GIT2: variants seen among roughly 807,000 people sequenced by gnomAD.
GIT2 encodes GIT ArfGAP 2, also known as ARF GTPase-activating protein GIT2.
GIT2 carries 32 observed loss-of-function variants against 100.3 expected under a neutral mutation model. The observed-to-expected ratio is 0.32, with a 90% confidence interval of 0.24 to 0.43. GIT2 has a LOEUF of 0.43. GIT2 is among the 20% of genes least tolerant of loss of function. The pLI is 1.00. For missense variants in GIT2, 737 were observed against 975.1 expected, an observed-to-expected ratio of 0.76 and a Z score of 3.25; for synonymous variants, 353 against 364.1, an observed-to-expected ratio of 0.97 and a Z score of 0.35.
chr12:109,943,588 C>A (rs1002709674), intron 16 of GIT2, among the ~76,000 whole-genome samples: 3 of 152,206 alleles, frequency 2.0e-5, no homozygotes, highest in Non-Finnish European at 2.9e-5. Flanking sequence ...CCCACCTTGG[C>A]CTTCCAAAGT....
At chr12:109,952,759 C>A in intron 13 of GIT2, 1 of 455,950 alleles carries the variant, frequency 2.2e-6, no homozygotes, top group South Asian at 1.8e-5. Context: ...CACTTTGTGC[C>A]TTCTCCGCAG....
intron 13 of GIT2, chr12:109,952,709 C>G (rs544647148): frequency 4.7e-4 from 230 of 490,596 alleles, no homozygotes; most frequent in African/African-American, 4.3e-3. Context: ...TCTCTCTCTG[C>G]TCACTCCCTC....
rs758253720 is a variant in GIT2, at chr12:109,989,058, C to T, written c.310G>A (p.Ala104Thr). The T allele has an allele frequency of 2.5e-6, 4 of 1,605,620 alleles. No homozygotes were observed. In the African/African-American group the frequency reaches 4.0e-5, roughly 16 times the overall value. ...TGATACTTGGCTCTGATGAATTCCGCTTTATTGGGACTGGTTCAAAAACAA... is the reference window on the plus strand; with the variant it reads ...TGATACTTGGCTCTGATGAATTCCGTTTTATTGGGACTGGTTCAAAAACAA... The part of the protein sequence containing the change: ...NPQDKVHPNK[A>T]EFIRAKYQML... The change falls in exon 4 of 20, where the codon GCG becomes ACG. Residue 104 changes from alanine to threonine, a missense_variant. This residue lies in a region of GIT2 where 266 missense variants were observed against 376.2 expected (regional missense o/e 0.71). Transcript: ENST00000355312.
intron 16 of GIT2, among the ~76,000 whole-genome samples, chr12:109,944,787 TCAGCACTTGTGGTGCTGACATAAA>T (rs1875813342): frequency 6.6e-6 from 1 of 151,398 alleles, no homozygotes; most frequent in East Asian, 1.9e-4. Flanking sequence ...CCTTGGTTTG[TCAGCACTTGTGGTGCTGACATAAA>T]ATGTGTCACA....
At chr12:109,958,156 A>C (rs1880043796) in intron 12 of GIT2, among the ~76,000 whole-genome samples, 1 of 151,358 alleles carries the variant, frequency 6.6e-6, no homozygotes, top group African/African-American at 2.4e-5. Flanking sequence ...ATGTTAGCCA[A>C]GATGGTCTCA....
Position 109,948,716 on chromosome 12 carries a change from A to G in GIT2, c.1393-1212T>C, listed in dbSNP as rs1040861805. 4.7e-6 allele frequency: 7 copies of G among 1,493,034 alleles called. No individual in the cohort carries two copies. The highest frequency in any genetic ancestry group is 2.7e-5 in the Admixed American group (1 of 37,090). The allele number at this position is 1,493,034 out of a possible 1,614,324, so 92.5% of individuals were successfully genotyped here. A position where few individuals can be genotyped will look rare whatever the true frequency, so the allele number is the denominator to read the frequency against. Reference sequence around the variant, plus strand: ...AAGCAACTGTTTGCACCAGAAGATCATTACTTTTTCAGTAGCAAACCCATT... The same window carrying G: ...AAGCAACTGTTTGCACCAGAAGATCGTTACTTTTTCAGTAGCAAACCCATT... On this transcript the variant is annotated intron_variant, in intron 14 of 19. Transcript: ENST00000355312. This position sits in a 1 kb window ranked among gnomAD's most constrained non-coding sequence, Gnocchi z 4.3.
chr12:109,983,979 G>A, intron 4 of GIT2: 1 of 383,814 alleles, frequency 2.6e-6, no homozygotes, highest in Non-Finnish European at 4.9e-6. Context: ...CTGAGTGAGA[G>A]GCAGGACTGT....
At chr12:109,986,285 T>A (rs1031643313) in intron 4 of GIT2, among the ~76,000 whole-genome samples, 11 of 152,112 alleles carry the variant, frequency 7.2e-5, no homozygotes, top group East Asian at 1.9e-4. Context: ...ACAGATTTTT[T>A]AAAAAACTCT....
upstream of GIT2, chr12:109,999,631 C>A (rs556014672): frequency 2.1e-4 from 295 of 1,412,854 alleles, 2 homozygotes; most frequent in African/African-American, 3.8e-3. The surrounding 1 kb of genome is among the most constrained non-coding windows in gnomAD (Gnocchi z 4.3). Flanking sequence ...GCGCGGGAGA[C>A]CCCGCCGGGG....
rs1368844291 is a variant in GIT2 at position 109,948,704 on chromosome 12, C to A, written c.1393-1200G>T. The A allele has an allele frequency of 2.7e-6, 4 of 1,470,114 alleles. No homozygotes were observed. The highest frequency in any genetic ancestry group is 3.6e-6 in the Non-Finnish European group (4 of 1,116,602). 91.1% of individuals were successfully genotyped at this position (1,470,114 alleles called of 1,614,324 possible). Reference sequence around the variant, plus strand: ...GTTTAAGTCCACAAGCAACTGTTTGCACCAGAAGATCATTACTTTTTCAGT... The same window carrying A: ...GTTTAAGTCCACAAGCAACTGTTTGAACCAGAAGATCATTACTTTTTCAGT... On this transcript the variant is annotated intron_variant, in intron 14 of 19. Transcript: ENST00000355312. The surrounding 1 kb of genome is among the most constrained non-coding windows in gnomAD (Gnocchi z 4.3).
At chr12:109,960,495 C>A (rs911559977) in intron 11 of GIT2, among the ~76,000 whole-genome samples, 2 of 152,008 alleles carry the variant, frequency 1.3e-5, no homozygotes, top group African/African-American at 4.8e-5. Flanking sequence ...GCAAGAGAAT[C>A]GCTTGGGTCC....
intron 7 of GIT2, among the ~76,000 whole-genome samples, chr12:109,975,484 G>A (rs1414058635): frequency 6.6e-6 from 1 of 152,110 alleles, no homozygotes; most frequent in Non-Finnish European, 1.5e-5. Context: ...GAAGTGTTGG[G>A]ATTACAGGTG....
upstream of GIT2, chr12:109,996,373 C>T (rs1247279784): frequency 5.4e-6 from 3 of 559,796 alleles, no homozygotes; most frequent in African/African-American, 6.0e-5. Context: ...TGGCACAGCA[C>T]GCACGCGCGG....
intron 7 of GIT2, among the ~76,000 whole-genome samples, chr12:109,972,529 C>G (rs970331118): frequency 3.3e-5 from 5 of 150,796 alleles, no homozygotes; most frequent in Non-Finnish European, 5.9e-5. Context: ...TGAGCAATGG[C>G]GCAATCTCAG....
Position 109,962,552 on chromosome 12 carries a change from G to A in GIT2, c.817-867C>T, listed in dbSNP as rs188350325. 6.6e-6 allele frequency among the ~76,000 whole-genome samples: 1 copy of A among 152,222 alleles called. No homozygotes were observed. Among genetic ancestry groups the A allele is most frequent in the Non-Finnish European group, 1.5e-5 (1 of 68,008 alleles). ...GCACACAACAACCACCTCACAGCCT[G>A]CAGTGCCTCCCTGGGCACATGGAGG... On this transcript the variant is annotated intron_variant, in intron 9 of 19. Transcript: ENST00000355312. This position sits in a 1 kb window ranked among gnomAD's most constrained non-coding sequence, Gnocchi z 4.3.
chr12:109,940,417 C>A (rs1293786932), intron 16 of GIT2: 1 of 152,210 alleles, frequency 6.6e-6, no homozygotes, highest in Admixed American at 6.5e-5. Flanking sequence ...TCTAGCTTTA[C>A]TCCTTGAATT....
At position 109,961,592 on chromosome 12, in the gene GIT2, G is replaced by A. The variant is rs761997601; in HGVS notation, c.889+21C>T. 17 of 1,516,014 alleles carry A rather than the reference G, an allele frequency of 1.1e-5. 1 individual carries two copies. The South Asian group carries it at 1.9e-4, about 17-fold the overall frequency. The allele number at this position is 1,516,014 out of a possible 1,614,324, so 93.9% of individuals were successfully genotyped here. The stretch of plus-strand genomic sequence containing the variant: ...GCCCACTGATAACAGAAGCTTATTA[G>A]ATAAAGCCACGTCAAGTCACCTGCA... On this transcript the variant is annotated intron_variant, in intron 10 of 19. Transcript: ENST00000355312.
At chr12:109,954,428 G>A (rs1440886741) in intron 12 of GIT2, 3 of 152,172 alleles carry the variant, frequency 2.0e-5, no homozygotes, top group Non-Finnish European at 4.4e-5. Flanking sequence ...ATCCCATAGG[G>A]AGCAGGGATT....
At chr12:109,989,505 C>A (rs1002412297) in intron 3 of GIT2, among the ~76,000 whole-genome samples, 185 bp downstream of exon 3, 18 of 152,146 alleles carry the variant, frequency 1.2e-4, no homozygotes, top group African/African-American at 4.1e-4. Context: ...TGCTGGGTGG[C>A]CATGCTAAAC....
Sources: gnomAD v4.1 joint callset for allele counts (sites outside exome capture counted in the v4.1 genomes callset) on GRCh38, gnomAD v4.1.1 for gene constraint, gnomAD v4.1.1 regional missense constraint, Gnocchi (gnomAD v3.1) non-coding constraint, MANE v1.5 for transcripts, NCBI Gene and HGNC (gene_info 2026-07-23, HGNC 2026-07-21) for gene names.